The following FAM228A variants were observed in gnomAD, a reference collection of about 807,000 sequenced individuals.
FAM228A encodes the protein family with sequence similarity 228 member A, also known as protein FAM228A.
A neutral mutation model predicts 18.6 loss-of-function variants in FAM228A; 13 were observed. The ratio of observed to expected loss-of-function variants is 0.70; its 90% CI spans 0.45 to 1.11. FAM228A has a LOEUF of 1.11. Ranked by LOEUF, FAM228A falls within the 50% of genes least tolerant of loss-of-function variation. The pLI, the probability that FAM228A is intolerant of heterozygous loss-of-function variation, is 0.00. For missense variants in FAM228A, 240 were observed against 242.2 expected (o/e 0.99, Z 0.06); for synonymous variants, 77 against 86.6 (o/e 0.89, Z 0.61).
chr2:24,183,562 C>T lies in FAM228A; in HGVS notation c.318C>T (p.Tyr106=). The T allele has an allele frequency of 6.2e-7, 1 of 1,614,114 alleles. No homozygotes were observed. The highest frequency in any genetic ancestry group is 8.5e-7 in the Non-Finnish European group (1 of 1,179,970). ...EKARLHASSP[Y]FTFTSHCVIP... is the part of the protein sequence containing the mutation. The stretch of plus-strand genomic sequence containing the variant: ...CCAGGCTGCATGCCAGCTCGCCCTA[C>T]TTCACTTTCACTTCACACTGTGTGA... The change falls in exon 5 of 6, where the codon TAC becomes TAT. Residue 106 remains tyrosine, a synonymous_variant. Transcript: ENST00000295150.
At position 24,191,140 on chromosome 2, in the gene FAM228A, A is replaced by T. The variant is rs535291867; in HGVS notation, c.*509A>T. 35 of 985,618 alleles carry T rather than the reference A, an allele frequency of 3.6e-5. No individual in the cohort carries two copies. The South Asian group carries it at 1.5e-3, about 41-fold the overall frequency. 61.1% of individuals were successfully genotyped at this position (985,618 alleles called of 1,614,324 possible). A position where few individuals can be genotyped will look rare whatever the true frequency, so the allele number is the denominator to read the frequency against. ...ATTTCTTATCCAGAGCTCATGGTTCATTTGACACAGTTTTCAGCTCCTGGT... is the reference window on the plus strand; with the variant it reads ...ATTTCTTATCCAGAGCTCATGGTTCTTTTGACACAGTTTTCAGCTCCTGGT... On this transcript the variant is annotated 3_prime_UTR_variant, in exon 6 of 6. Transcript: ENST00000295150.
intron 5 of FAM228A, among the ~76,000 whole-genome samples, chr2:24,186,648 T>G (rs541732526): frequency 6.6e-6 from 1 of 152,200 alleles, no homozygotes; most frequent in East Asian, 1.9e-4. Flanking sequence ...TTATTTTATT[T>G]TATTTTTTGA....
chr2:24,190,870 C>T lies in FAM228A; in HGVS notation c.*239C>T. 8.2e-7 allele frequency: 1 copy of T among 1,217,776 alleles called. No homozygotes were observed. The highest frequency in any genetic ancestry group is 3.4e-5 in the East Asian group (1 of 29,086). 75.4% of individuals were successfully genotyped at this position (1,217,776 alleles called of 1,614,324 possible). A position where few individuals can be genotyped will look rare whatever the true frequency, so the allele number is the denominator to read the frequency against. ...CTGTCCTTCCGAGGTGAGGGCCAAC[C>T]TGGCCACAGGGGCTTTTCCCCCTGA... On this transcript the variant is annotated 3_prime_UTR_variant, in exon 6 of 6. Transcript: ENST00000295150.
intron 3 of FAM228A, among the ~76,000 whole-genome samples, chr2:24,180,903 G>T (rs1051569053): frequency 1.3e-5 from 2 of 151,624 alleles, no homozygotes; most frequent in Admixed American, 6.6e-5. Flanking sequence ...CTGGAAAGAG[G>T]TGGGGTATTT....
chr2:24,186,329 T>G (rs1667949405), intron 5 of FAM228A, among the ~76,000 whole-genome samples: 1 of 152,212 alleles, frequency 6.6e-6, no homozygotes, highest in African/African-American at 2.4e-5. Flanking sequence ...AAAGAGAATT[T>G]TATTTCTTGT....
rs1278210237 is a variant in FAM228A, at chr2:24,191,202, CCCTGAGG to C, written c.*580_*586del. On this transcript the variant is annotated 3_prime_UTR_variant, in exon 6 of 6. Coordinates refer to ENST00000295150, the MANE Select transcript of FAM228A (RefSeq NM_001040710.3). ...TCCATTCTCTCCGCCACGCCCTGTG[CCCTGAGG>C]CCTGAGGCGCAGGACCCTCCCAGGG... is the stretch of plus-strand genomic sequence containing the variant. 1 of 985,616 alleles carries C rather than the reference CCCTGAGG, an allele frequency of 1.0e-6. No homozygotes were observed. The highest frequency in any genetic ancestry group is 4.7e-5 in the South Asian group (1 of 21,290). The allele number at this position is 985,616 out of a possible 1,614,324, so 61.1% of individuals were successfully genotyped here.
intron 5 of FAM228A, 48 bp from the exon 6 acceptor site, chr2:24,190,364 A>T: frequency 6.5e-7 from 1 of 1,530,510 alleles, no homozygotes; most frequent in South Asian, 1.3e-5. Flanking sequence ...TGATGGTACA[A>T]TTCCATCTGT....
In FAM228A at chr2:24,175,589, G is replaced by T. The variant is rs755873796; in HGVS notation, c.93+16G>T. On this transcript the variant is annotated intron_variant, in intron 2 of 5. Coordinates refer to ENST00000295150, the MANE Select transcript of FAM228A (RefSeq NM_001040710.3). ...TTTAATGGAGGTGAGATAACGTGGC[G>T]TTTTGAGACGTCATTTTGGCGGGGG... 6.3e-7 allele frequency: 1 copy of T among 1,582,288 alleles called. No homozygotes were observed. The highest frequency in any genetic ancestry group is 1.3e-5 in the African/African-American group (1 of 74,492).
At chr2:24,185,695 C>G (rs113134385) in intron 5 of FAM228A, among the ~76,000 whole-genome samples, 1 of 152,204 alleles carries the variant, frequency 6.6e-6, no homozygotes, top group African/African-American at 2.4e-5. Flanking sequence ...GGAGACATTT[C>G]TGGTTGTCAG....
At chr2:24,181,775 G>A (rs566856772) in intron 3 of FAM228A, among the ~76,000 whole-genome samples, 1 of 152,126 alleles carries the variant, frequency 6.6e-6, no homozygotes, top group Non-Finnish European at 1.5e-5. Flanking sequence ...GCTCTGGAGT[G>A]GGGGAAAACC....
intron 2 of FAM228A, among the ~76,000 whole-genome samples, chr2:24,177,391 GATT>G (rs1377529642): frequency 1.3e-5 from 2 of 152,212 alleles, no homozygotes; most frequent in Non-Finnish European, 2.9e-5. Flanking sequence ...AGTGAGCCAG[GATT>G]ATACCACTGC....
Position 24,175,194 on chromosome 2 carries a change from A to G in FAM228A, c.-15+20A>G. The G allele has an allele frequency of 2.7e-6, 1 of 365,972 alleles. No homozygotes were observed. Among genetic ancestry groups the G allele is most frequent in the Non-Finnish European group, 5.0e-6 (1 of 199,130 alleles). The allele number at this position is 365,972 out of a possible 1,614,324, so 22.7% of individuals were successfully genotyped here. ...CCTGAGGTGGGGCCCGGGGAGGCCT[A>G]CGGGCCTGGGGGTCGCGGAGCCCAG... On this transcript the variant is annotated intron_variant, in intron 1 of 5. Transcript: ENST00000295150.
chr2:24,189,235 T>C (rs1430345558), intron 5 of FAM228A, among the ~76,000 whole-genome samples: 1 of 152,150 alleles, frequency 6.6e-6, no homozygotes, highest in Non-Finnish European at 1.5e-5. Flanking sequence ...CCATTCCCCT[T>C]ATGACAAAGC....
At chr2:24,179,660 CATT>C (rs1170800200) in intron 3 of FAM228A, among the ~76,000 whole-genome samples, 1 of 152,224 alleles carries the variant, frequency 6.6e-6, no homozygotes, top group Non-Finnish European at 1.5e-5. Flanking sequence ...TTATCCCCAT[CATT>C]CTCACATTTG....
chr2:24,177,189 C>G (rs554461579), intron 2 of FAM228A, among the ~76,000 whole-genome samples: 1 of 152,298 alleles, frequency 6.6e-6, no homozygotes, highest in East Asian at 1.9e-4. Context: ...CCTATAATCT[C>G]AGCACTTTGG....
rs1370761761 is a variant in FAM228A at position 24,188,807 on chromosome 2, CTA to C, written c.402-1603_402-1602del. 3.2e-5 allele frequency: 9 copies of C among 278,652 alleles called. 1 individual carries two copies. The highest frequency in any genetic ancestry group is 6.5e-5 in the Admixed American group (1 of 15,418). 17.3% of individuals were successfully genotyped at this position (278,652 alleles called of 1,614,324 possible). On this transcript the variant is annotated intron_variant, in intron 5 of 5. Transcript: ENST00000295150. ...TAGTAAATTTTCTGCTTTTTCTTCT[CTA>C]TTTATTTCAGCAGGACTTTTAGCCT...
chr2:24,175,698 G>GA (rs1180584636), intron 2 of FAM228A, 125 bp downstream of exon 2: 1 of 803,666 alleles, frequency 1.2e-6, no homozygotes, highest in African/African-American at 1.7e-5. Flanking sequence ...AGCAGGCGTT[G>GA]AAGGGGAATG....
rs1203392521 is a variant in FAM228A at position 24,184,406 on chromosome 2, CATACCATAAA to C, written c.401+764_401+773del. On this transcript the variant is annotated intron_variant, in intron 5 of 5. Coordinates refer to ENST00000295150, the MANE Select transcript of FAM228A (RefSeq NM_001040710.3). The stretch of plus-strand genomic sequence containing the variant: ...AAAAAAAAAAAAAAGATACAGCTTA[CATACCATAAA>C]ATTCATCTGTTGAGGGTTTGTACAT... Among the ~76,000 whole-genome samples, 25 of 151,148 alleles carry C rather than the reference CATACCATAAA, an allele frequency of 1.7e-4. No individual in the cohort carries two copies. The East Asian group carries it at 4.3e-3, about 26-fold the overall frequency.
Position 24,183,488 on chromosome 2 carries a change from C to T in FAM228A, c.251-7C>T, listed in dbSNP as rs148489636. On this transcript the variant is annotated splice_polypyrimidine_tract_variant and splice_region_variant and intron_variant, in intron 4 of 5. Transcript: ENST00000295150. ...AGTGTTGATTTCGATTTTTTATCTT[C>T]CTGTAGGAAAACGACATTCCATAAA... 29,178 of 1,609,140 alleles carry T rather than the reference C, an allele frequency of 0.018. 376 individuals carry two copies. The highest frequency in any genetic ancestry group is 0.022 in the Non-Finnish European group (26,449 of 1,177,602).
Sources: gnomAD v4.1 joint callset for allele counts (sites outside exome capture counted in the v4.1 genomes callset) on GRCh38, gnomAD v4.1.1 for gene constraint, MANE v1.5 for transcripts, NCBI Gene and HGNC (gene_info 2026-07-23, HGNC 2026-07-21) for gene names.